The following FAM118B variants were observed in gnomAD, a reference collection of about 807,000 sequenced individuals.
FAM118B encodes SIR2 antiphage like 1, also known as protein FAM118B.
FAM118B carries 24 observed loss-of-function variants against 38.5 expected under a neutral mutation model. The observed-to-expected ratio is 0.62, with a 90% CI of 0.45 to 0.88. The LOEUF is 0.88. FAM118B is among the 40% of genes least tolerant of loss of function. FAM118B has a pLI of 0.00. For synonymous variants in FAM118B, 138 were observed against 156.3 expected (o/e 0.88, Z 0.87); for missense variants, 334 against 420.0 (o/e 0.80, Z 1.79).
chr11:126,259,727 A>G (rs1379375545), intron 7 of FAM118B, among the ~76,000 whole-genome samples: 1 of 119,868 alleles, frequency 8.3e-6, no homozygotes, highest in East Asian at 2.5e-4. Context: ...GCCCGGGCCT[A>G]TTTATTGATT....
chr11:126,259,617 G>A (rs1327003697), intron 7 of FAM118B, among the ~76,000 whole-genome samples: 2 of 151,116 alleles, frequency 1.3e-5, no homozygotes, highest in African/African-American at 2.4e-5. Flanking sequence ...AGTAGAGATG[G>A]GGTTTCACCA....
At chr11:126,254,482 C>T (rs1269187441) in intron 6 of FAM118B, 49 bp downstream of exon 6, 2 of 1,607,118 alleles carry the variant, frequency 1.2e-6, no homozygotes, top group Non-Finnish European at 1.7e-6. Context: ...CCTGGGAAAT[C>T]TCTCTAAATA....
At position 126,252,384 on chromosome 11, in the gene FAM118B, CA is replaced by C. The variant is rs1444026700; in HGVS notation, c.567+1652del. Among the ~76,000 whole-genome samples, 2 of 152,198 alleles carry C rather than the reference CA, an allele frequency of 1.3e-5. No individual in the cohort carries two copies. The highest frequency in any genetic ancestry group is 2.4e-5 in the African/African-American group (1 of 41,460). On this transcript the variant is annotated intron_variant, in intron 5 of 8. Coordinates refer to ENST00000533050, the MANE Select transcript of FAM118B (RefSeq NM_024556.4). This position sits in a 1 kb window ranked among gnomAD's most constrained non-coding sequence, Gnocchi z 4.7. Reference sequence around the variant, plus strand: ...GTATCATGTTAGTCTTTCTTACCCTCATAACTCAAATACAACCCTCATGTCT... The same window carrying C: ...GTATCATGTTAGTCTTTCTTACCCTCTAACTCAAATACAACCCTCATGTCT...
chr11:126,250,854 G>T lies in FAM118B; in HGVS notation c.567+121G>T. On this transcript the variant is annotated intron_variant, in intron 5 of 8. Transcript: ENST00000533050. The surrounding 1 kb of genome is among the most constrained non-coding windows in gnomAD (Gnocchi z 5.1). ...GCTAGAAAGGAAAAATTTTTTCCCT[G>T]GTTGGAGTTTTTGTTTTTCTTTTTT... The T allele has an allele frequency of 2.9e-6, 2 of 699,324 alleles. No homozygotes were observed. Among genetic ancestry groups the T allele is most frequent in the African/African-American group, 1.8e-5 (1 of 55,230 alleles). The allele number at this position is 699,324 out of a possible 1,614,324, so 43.3% of individuals were successfully genotyped here.
chr11:126,238,312 A>G (rs1950308189), intron 3 of FAM118B, among the ~76,000 whole-genome samples: 1 of 152,186 alleles, frequency 6.6e-6, no homozygotes, highest in African/African-American at 2.4e-5. Context: ...CAGTGAGCCA[A>G]GATTACGAGA....
intron 2 of FAM118B, among the ~76,000 whole-genome samples, chr11:126,230,053 G>A (rs1255153853): frequency 6.6e-6 from 1 of 152,150 alleles, no homozygotes; most frequent in African/African-American, 2.4e-5. Context: ...AAAATTAGGA[G>A]CCAATCGAGT....
Position 126,250,006 on chromosome 11 carries a change from G to T in FAM118B, c.340-500G>T, listed in dbSNP as rs1478589667. On this transcript the variant is annotated intron_variant, in intron 4 of 8. Transcript: ENST00000533050. The surrounding 1 kb of genome is among the most constrained non-coding windows in gnomAD (Gnocchi z 5.1). ...TTACGTATAGTAGCACTTGCTATCT[G>T]CTAAGCATTGTGCTAAGCACTTGGC... 6.6e-6 allele frequency among the ~76,000 whole-genome samples: 1 copy of T among 151,848 alleles called. No homozygotes were observed. The highest frequency in any genetic ancestry group is 1.5e-5 in the Non-Finnish European group (1 of 67,996).
chr11:126,239,744 C>T (rs999474173), intron 3 of FAM118B, among the ~76,000 whole-genome samples: 5 of 152,156 alleles, frequency 3.3e-5, no homozygotes, highest in African/African-American at 1.2e-4. Context: ...GAACTCCTGA[C>T]CTCAAGTAAT....
At chr11:126,220,766 A>C (rs61898850) in intron 1 of FAM118B, among the ~76,000 whole-genome samples, 1 of 152,258 alleles carries the variant, frequency 6.6e-6, no homozygotes, top group South Asian at 2.1e-4. Flanking sequence ...TTCTCCTAAG[A>C]AACCTGGTCT....
intron 3 of FAM118B, among the ~76,000 whole-genome samples, chr11:126,237,588 G>A (rs1335927951): frequency 7.3e-6 from 1 of 136,368 alleles, no homozygotes; most frequent in Admixed American, 7.4e-5. Context: ...TGTCATCCCA[G>A]CACTTTGGGA....
chr11:126,260,296 G>T (rs1241436089), intron 7 of FAM118B: 1 of 152,124 alleles, frequency 6.6e-6, no homozygotes, highest in Non-Finnish European at 1.5e-5. Context: ...GCTTCCCAAA[G>T]TTCTGGGATT....
chr11:126,229,504 G>A (rs1013653296), intron 2 of FAM118B, among the ~76,000 whole-genome samples: 4 of 152,038 alleles, frequency 2.6e-5, no homozygotes, highest in Admixed American at 1.3e-4. Flanking sequence ...GTGCAGTGGC[G>A]CCATCTCGGC....
chr11:126,219,388 T>C (rs928967243), intron 1 of FAM118B, among the ~76,000 whole-genome samples: 1 of 107,702 alleles, frequency 9.3e-6, no homozygotes, highest in African/African-American at 3.5e-5. Flanking sequence ...TTTTTTTTTT[T>C]TGAGAGTCTC....
At chr11:126,218,105 A>G (rs1950004524) in intron 1 of FAM118B, among the ~76,000 whole-genome samples, 1 of 152,108 alleles carries the variant, frequency 6.6e-6, no homozygotes, top group South Asian at 2.1e-4. Context: ...GTTTTCTTGT[A>G]CTATTTCTGT....
chr11:126,226,109 A>C (rs540522793), intron 1 of FAM118B, among the ~76,000 whole-genome samples: 2 of 151,876 alleles, frequency 1.3e-5, no homozygotes, highest in Admixed American at 6.5e-5. Flanking sequence ...AAAGGCCAGA[A>C]AGGAACGTGG....
chr11:126,222,282 G>A (rs1158364225), intron 1 of FAM118B, among the ~76,000 whole-genome samples: 1 of 152,190 alleles, frequency 6.6e-6, no homozygotes, highest in Non-Finnish European at 1.5e-5. Flanking sequence ...AGTGTTTGGT[G>A]GAGGAGAACT....
At chr11:126,242,731 A>G (rs1950374707) in intron 4 of FAM118B, among the ~76,000 whole-genome samples, 2 of 152,218 alleles carry the variant, frequency 1.3e-5, no homozygotes, top group Admixed American at 6.5e-5. Context: ...GAAGACAATA[A>G]TAAGTGTTAT....
intron 2 of FAM118B, among the ~76,000 whole-genome samples, chr11:126,232,840 G>A (rs1293039716): frequency 4.6e-5 from 7 of 151,960 alleles, no homozygotes; most frequent in South Asian, 2.1e-4. Flanking sequence ...ATTCTAGAGC[G>A]TTGACTTTTA....
intron 1 of FAM118B, chr11:126,214,527 T>TTTA (rs1949954178): frequency 8.1e-6 from 1 of 123,320 alleles, no homozygotes. Context: ...TTTTTTTTTT[T>TTTA]ACCTCTATAT....
Sources: allele counts gnomAD v4.1 joint callset (sites outside exome capture counted in the v4.1 genomes callset), GRCh38; gene constraint gnomAD v4.1.1; non-coding constraint Gnocchi (gnomAD v3.1); transcripts MANE v1.5; gene names NCBI Gene and HGNC (gene_info 2026-07-23, HGNC 2026-07-21).